SUGT1: variants seen among roughly 807,000 people sequenced by gnomAD.
SUGT1 encodes the protein SGT1 assembly cochaperone of MIS12 kinetochore complex.
In SUGT1, 15 loss-of-function variants were observed where a neutral mutation model predicts 56.1. The observed-to-expected ratio is 0.27, with a 90% CI of 0.18 to 0.41. The LOEUF (loss-of-function observed/expected upper bound fraction) is 0.41, where lower values mean the gene tolerates loss of function less well. Ranked by LOEUF, SUGT1 falls within the 10% of genes least tolerant of loss-of-function variation. SUGT1 has a pLI of 1.00. For synonymous variants in SUGT1, 123 were observed against 128.6 expected (o/e 0.96, Z 0.30); for missense variants, 347 against 382.2 (o/e 0.91, Z 0.77).
intron 5 of SUGT1, 104 bp from the exon 6 acceptor site, chr13:52,662,545 C>CGAGTTATGG: frequency 8.9e-7 from 1 of 1,121,322 alleles, no homozygotes; most frequent in South Asian, 1.5e-5. Flanking sequence ...GCCGACTCCC[C>CGAGTTATGG]AGTGCCTAGA....
intron 7 of SUGT1, among the ~76,000 whole-genome samples, chr13:52,663,609 C>G (rs1002424292): frequency 7.2e-5 from 11 of 152,144 alleles, no homozygotes; most frequent in Non-Finnish European, 1.5e-4. Context: ...GCTGGGACTA[C>G]AGATGTACAC....
intron 10 of SUGT1, among the ~76,000 whole-genome samples, chr13:52,669,299 A>G (rs61959595): frequency 0.036 from 5,454 of 152,328 alleles, 130 homozygotes; most frequent in South Asian, 0.064. Context: ...AAGATAAACA[A>G]TGAATAATTT....
chr13:52,693,899 T>C lies in SUGT1; in HGVS notation c.*6064T>C, dbSNP rs1185672238. On this transcript the variant is annotated 3_prime_UTR_variant, in exon 13 of 13. Transcript: ENST00000310528. ...TGCCCCTTAACTGTGGCAGATACAT[T>C]CCAAGACCCCCAGTACTGAATGCTG... is the stretch of plus-strand genomic sequence containing the variant. 3 of 152,232 alleles carry C rather than the reference T, an allele frequency of 2.0e-5. No homozygotes were observed. The highest frequency in any genetic ancestry group is 4.4e-5 in the Non-Finnish European group (3 of 68,038). The allele number at this position is 152,232 out of a possible 1,614,324, so 9.4% of individuals were successfully genotyped here. A position where few individuals can be genotyped will look rare whatever the true frequency, so the allele number is the denominator to read the frequency against.
intron 5 of SUGT1, among the ~76,000 whole-genome samples, chr13:52,659,461 A>G (rs1279010204): frequency 6.6e-6 from 1 of 152,126 alleles, no homozygotes; most frequent in Non-Finnish European, 1.5e-5. Flanking sequence ...GAACTTCACC[A>G]TTAGAAGTAA....
In SUGT1 at chr13:52,669,957, A is replaced by G. The variant is rs535841397; in HGVS notation, c.627+3038A>G. ...ACAGTACTAAAATAATTTGCTTTTCATGTATTCAGATATCTTGATTGTTGA... is the reference window on the plus strand; with the variant it reads ...ACAGTACTAAAATAATTTGCTTTTCGTGTATTCAGATATCTTGATTGTTGA... On this transcript the variant is annotated intron_variant, in intron 10 of 12. Coordinates refer to ENST00000310528, the MANE Select transcript of SUGT1 (RefSeq NM_006704.5). Among the ~76,000 whole-genome samples, 603 of 152,326 alleles carry G rather than the reference A, an allele frequency of 4.0e-3. 1 individual carries two copies. The highest frequency in any genetic ancestry group is 6.5e-3 in the Non-Finnish European group (440 of 68,010).
chr13:52,659,193 A>C lies in SUGT1; in HGVS notation c.272A>C (p.His91Pro). 1 of 1,490,890 alleles carries C rather than the reference A, an allele frequency of 6.7e-7. No homozygotes were observed. The highest frequency in any genetic ancestry group is 8.9e-7 in the Non-Finnish European group (1 of 1,127,150). The allele number at this position is 1,490,890 out of a possible 1,614,324, so 92.4% of individuals were successfully genotyped here. A position where few individuals can be genotyped will look rare whatever the true frequency, so the allele number is the denominator to read the frequency against. Residue 91 changes from histidine to proline, a missense_variant, in exon 5 of 13, where the codon CAT becomes CCT. Physicochemically the swap from His to Pro is moderately conservative, Grantham distance 77. Coordinates refer to ENST00000310528, the MANE Select transcript of SUGT1 (RefSeq NM_006704.5). ...AMLRKGICEY[H>P]EKNYAAALET... ...TATTCATGCAGAATATGTGAATACC[A>C]TGAAAAAAACTATGCTGCTGCCCTA... is the stretch of plus-strand genomic sequence containing the variant.
intron 10 of SUGT1, among the ~76,000 whole-genome samples, chr13:52,671,507 A>G (rs1962935324): frequency 6.6e-6 from 1 of 152,154 alleles, no homozygotes; most frequent in Admixed American, 6.5e-5. Flanking sequence ...CAGGCACTGT[A>G]CTATGAATTA....
rs992920123 is a variant in SUGT1 at position 52,698,594 on chromosome 13, A to G, written c.*10759A>G. 7.0e-6 allele frequency: 1 copy of G among 142,184 alleles called. No individual in the cohort carries two copies. The highest frequency in any genetic ancestry group is 1.6e-5 in the Non-Finnish European group (1 of 63,162). The allele number at this position is 142,184 out of a possible 1,614,324, so 8.8% of individuals were successfully genotyped here. Reference sequence around the variant, plus strand: ...CTGGGACTGCACTACTAGTGCACTAAGCTAATTTTTAAATTTTTTTTGTAG... The same window carrying G: ...CTGGGACTGCACTACTAGTGCACTAGGCTAATTTTTAAATTTTTTTTGTAG... On this transcript the variant is annotated 3_prime_UTR_variant, in exon 13 of 13. Transcript: ENST00000310528.
rs534085838 is a variant in SUGT1 at position 52,685,352 on chromosome 13, C to T, written c.901-2382C>T. 5.3e-5 allele frequency among the ~76,000 whole-genome samples: 8 copies of T among 150,286 alleles called. No individual in the cohort carries two copies. The South Asian group carries it at 1.7e-3, about 32-fold the overall frequency. On this transcript the variant is annotated intron_variant, in intron 12 of 12. Coordinates refer to ENST00000310528, the MANE Select transcript of SUGT1 (RefSeq NM_006704.5). ...TTAAGCAGTCCTCCTGCCTTGTCCTCCCAAAGTACTGGGATTCTAGGTGTG... is the reference window on the plus strand; with the variant it reads ...TTAAGCAGTCCTCCTGCCTTGTCCTTCCAAAGTACTGGGATTCTAGGTGTG...
chr13:52,653,763 A>G (rs145850363), intron 2 of SUGT1, among the ~76,000 whole-genome samples: 1 of 152,356 alleles, frequency 6.6e-6, no homozygotes, highest in Non-Finnish European at 1.5e-5. Context: ...TAAGAATTAA[A>G]GGAGAACCTA....
intron 10 of SUGT1, among the ~76,000 whole-genome samples, chr13:52,667,708 A>C (rs1291613061): frequency 1.3e-5 from 2 of 152,198 alleles, no homozygotes; most frequent in African/African-American, 4.8e-5. Flanking sequence ...TAATATTCAG[A>C]GAGTATCACT....
chr13:52,653,997 T>G (rs145508098), intron 2 of SUGT1, among the ~76,000 whole-genome samples: 241 of 152,310 alleles, frequency 1.6e-3, no homozygotes, highest in African/African-American at 5.6e-3. Context: ...GGGAATTAAC[T>G]TGGAAGCTCT....
intron 12 of SUGT1, among the ~76,000 whole-genome samples, chr13:52,684,867 TC>T (rs1233810933): frequency 6.6e-6 from 1 of 150,872 alleles, no homozygotes; most frequent in African/African-American, 2.4e-5. Flanking sequence ...GCAGCGTCCT[TC>T]CCTGATCTCT....
rs1963738851 is a variant in SUGT1 at position 52,690,285 on chromosome 13, CAA to C, written c.*2455_*2456del. ...CTTGTAAGCCTCCAGAAAGTTAAAA[CAA>C]AAAACTTCTTTCTGATTAAGAGCCT... On this transcript the variant is annotated 3_prime_UTR_variant, in exon 13 of 13. Coordinates refer to ENST00000310528, the MANE Select transcript of SUGT1 (RefSeq NM_006704.5). The C allele has an allele frequency of 6.6e-6, 1 of 152,204 alleles. No individual in the cohort carries two copies. Among genetic ancestry groups the C allele is most frequent in the South Asian group, 2.1e-4 (1 of 4,820 alleles). 9.4% of individuals were successfully genotyped at this position (152,204 alleles called of 1,614,324 possible).
chr13:52,653,304 C>T (rs1218351086), intron 2 of SUGT1, among the ~76,000 whole-genome samples: 1 of 152,122 alleles, frequency 6.6e-6, no homozygotes, highest in East Asian at 1.9e-4. Flanking sequence ...CCTGTCTTGC[C>T]CTTTCCACTC....
rs779695939 is a variant in SUGT1 at position 52,665,709 on chromosome 13, A to C, written c.495A>C (p.Val165=). The change falls in exon 9 of 13, where the codon GTA becomes GTC. Residue 165 remains valine (V), a synonymous_variant. Transcript: ENST00000310528. The part of the protein sequence containing the change: ...LMIKNVQKND[V]NVEFSEKELS... Reference sequence around the variant, plus strand: ...TCAAGAATGTTCAGAAGAATGATGTAAATGTGGAATTTTCAGAAAAAGAGG... The same window carrying C: ...TCAAGAATGTTCAGAAGAATGATGTCAATGTGGAATTTTCAGAAAAAGAGG... 6 of 1,604,560 alleles carry C rather than the reference A, an allele frequency of 3.7e-6. No homozygotes were observed. The African/African-American group carries it at 6.7e-5, about 18-fold the overall frequency.
In SUGT1 at chr13:52,692,394, C is replaced by T. The variant is rs1293136840; in HGVS notation, c.*4559C>T. The T allele has an allele frequency of 6.8e-6, 1 of 146,464 alleles. No individual in the cohort carries two copies. The highest frequency in any genetic ancestry group is 1.5e-5 in the Non-Finnish European group (1 of 67,350). The allele number at this position is 146,464 out of a possible 1,614,324, so 9.1% of individuals were successfully genotyped here. On this transcript the variant is annotated 3_prime_UTR_variant, in exon 13 of 13. Coordinates refer to ENST00000310528, the MANE Select transcript of SUGT1 (RefSeq NM_006704.5). ...GACTGGAAATGAAGCAGAGAATATT[C>T]AAGTTAAAGAACTAATTCTTTTTTT...
intron 7 of SUGT1, among the ~76,000 whole-genome samples, 166 bp from the exon 8 acceptor site, chr13:52,663,869 A>ATT (rs1962567606): frequency 6.6e-6 from 1 of 152,166 alleles, no homozygotes; most frequent in Non-Finnish European, 1.5e-5. Context: ...GTATTTAACA[A>ATT]TTACAGTTAC....
chr13:52,685,831 A>G (rs530247709), intron 12 of SUGT1, among the ~76,000 whole-genome samples: 1 of 152,322 alleles, frequency 6.6e-6, no homozygotes. Flanking sequence ...CCTGCAGTCT[A>G]TTAGGAGAGA....
Sources: allele counts gnomAD v4.1 joint callset (sites outside exome capture counted in the v4.1 genomes callset), GRCh38; gene constraint gnomAD v4.1.1; transcripts MANE v1.5; gene names NCBI Gene and HGNC (gene_info 2026-07-23, HGNC 2026-07-21).